SUFU: variants seen among roughly 807,000 people sequenced by gnomAD.
SUFU encodes SUFU negative regulator of hedgehog signaling.
A neutral mutation model predicts 58.9 loss-of-function variants in SUFU; 7 were observed. That is an observed-to-expected ratio of 0.12 (90% CI 0.07 to 0.22). SUFU has a LOEUF of 0.22. SUFU is among the 10% of genes least tolerant of loss of function. SUFU has a pLI of 1.00. For missense variants in SUFU, 451 were observed against 641.3 expected (o/e 0.70, Z 3.20); for synonymous variants, 232 against 254.8 (o/e 0.91, Z 0.85).
At chr10:102,603,246 C>T (rs146230908) in intron 8 of SUFU, among the ~76,000 whole-genome samples, 265 of 152,298 alleles carry the variant, frequency 1.7e-3, no homozygotes, top group Middle Eastern at 3.4e-3. Flanking sequence ...ACTGCAGCCT[C>T]GAGCTCCTGG....
intron 8 of SUFU, among the ~76,000 whole-genome samples, chr10:102,603,631 A>C (rs529024695): frequency 3.3e-5 from 5 of 151,930 alleles, no homozygotes; most frequent in Admixed American, 3.3e-4. Flanking sequence ...CCTTTAAAAA[A>C]TTTTTTTTGC....
rs372805517 is a variant in SUFU at position 102,540,480 on chromosome 10, G to A, written c.318-9490G>A. ...AGCCTGGCCAACATGGTGAAACCCC[G>A]TCTCTACCAAAAATACAAAAATTAG... On this transcript the variant is annotated intron_variant, in intron 2 of 11. Coordinates refer to ENST00000369902, the MANE Select transcript of SUFU (RefSeq NM_016169.4). 3.3e-3 allele frequency among the ~76,000 whole-genome samples: 494 copies of A among 151,564 alleles called. 3 individuals carry two copies. The highest frequency in any genetic ancestry group is 0.011 in the African/African-American group (466 of 41,284).
intron 7 of SUFU, among the ~76,000 whole-genome samples, 180 bp from the exon 8 acceptor site, chr10:102,599,253 G>T (rs970417298): frequency 6.6e-6 from 1 of 152,176 alleles, no homozygotes; most frequent in Non-Finnish European, 1.5e-5. Flanking sequence ...TCTTAAGAGC[G>T]CGGTTGTCCC....
chr10:102,592,777 G>T, intron 4 of SUFU, 53 bp downstream of exon 4: 2 of 1,606,688 alleles, frequency 1.2e-6, no homozygotes. Flanking sequence ...AGGGTCCTGG[G>T]AGGACAAGGA....
At chr10:102,584,752 A>G (rs1164814571) in intron 3 of SUFU, among the ~76,000 whole-genome samples, 2 of 152,148 alleles carry the variant, frequency 1.3e-5, no homozygotes, top group Admixed American at 1.3e-4. Flanking sequence ...AAAAAAAGGC[A>G]AGTCAATTTT....
intron 8 of SUFU, among the ~76,000 whole-genome samples, chr10:102,607,421 T>C (rs1306676841): frequency 6.6e-6 from 1 of 152,056 alleles, no homozygotes; most frequent in African/African-American, 2.4e-5. Context: ...CCAAGGAAAA[T>C]AGAAAATTAT....
At chr10:102,519,419 C>T (rs2062519791) in intron 2 of SUFU, among the ~76,000 whole-genome samples, 1 of 150,850 alleles carries the variant, frequency 6.6e-6, no homozygotes, top group Non-Finnish European at 1.5e-5. Flanking sequence ...CTCAGCTCTT[C>T]AGGAGGCTGA....
intron 2 of SUFU, among the ~76,000 whole-genome samples, chr10:102,532,800 T>G (rs2062691178): frequency 1.3e-5 from 2 of 152,186 alleles, no homozygotes; most frequent in African/African-American, 4.8e-5. Flanking sequence ...GTATAGGACC[T>G]GTTTCACGGT....
rs184819773 is a variant in SUFU, at chr10:102,632,123, C to T, written c.*1968C>T. On this transcript the variant is annotated 3_prime_UTR_variant, in exon 12 of 12. Transcript: ENST00000369902. The stretch of plus-strand genomic sequence containing the variant: ...TGCCTGAGGGCTCCCTGCTGCAGTT[C>T]GCCGTACTTCCATCTGCTGGGTGCC... 9.0e-5 allele frequency: 21 copies of T among 233,414 alleles called. No individual in the cohort carries two copies. Among genetic ancestry groups the T allele is most frequent in the Admixed American group, 7.3e-4 (13 of 17,798 alleles). The allele number at this position is 233,414 out of a possible 1,614,324, so 14.5% of individuals were successfully genotyped here.
chr10:102,529,495 C>T (rs1245746427), intron 2 of SUFU, among the ~76,000 whole-genome samples: 1 of 152,160 alleles, frequency 6.6e-6, no homozygotes, highest in Non-Finnish European at 1.5e-5. Flanking sequence ...AAGTTGCAGC[C>T]AGGCTCAGTG....
chr10:102,621,154 A>G (rs1391722139), intron 10 of SUFU, among the ~76,000 whole-genome samples: 1 of 152,162 alleles, frequency 6.6e-6, no homozygotes, highest in Non-Finnish European at 1.5e-5. Context: ...TGTGTAGAAG[A>G]TGACTTGGGA....
intron 3 of SUFU, chr10:102,573,079 G>A (rs2135807896): frequency 2.5e-6 from 2 of 786,454 alleles, no homozygotes; most frequent in Non-Finnish European, 4.6e-6. Context: ...GCAGTGTCTT[G>A]GGCCGCTGGA....
At chr10:102,608,354 CTAAAAAA>C in intron 8 of SUFU, among the ~76,000 whole-genome samples, 1 of 152,138 alleles carries the variant, frequency 6.6e-6, no homozygotes, top group East Asian at 1.9e-4. Flanking sequence ...TGACTAAACA[CTAAAAAA>C]GAAAAAAGAA....
chr10:102,589,837 C>T (rs751281314), intron 3 of SUFU, among the ~76,000 whole-genome samples: 4 of 152,216 alleles, frequency 2.6e-5, no homozygotes, highest in East Asian at 1.9e-4. Flanking sequence ...GCACCTCTGT[C>T]GTGTTCCTGA....
At chr10:102,597,010 T>G in intron 6 of SUFU, 130 bp from the exon 7 acceptor site, 2 of 1,099,936 alleles carry the variant, frequency 1.8e-6, no homozygotes, top group Admixed American at 3.6e-5. Context: ...GATCCTGCTC[T>G]CCAGCATTTG....
chr10:102,593,035 G>C (rs2063420388), intron 4 of SUFU, among the ~76,000 whole-genome samples: 1 of 152,200 alleles, frequency 6.6e-6, no homozygotes, highest in Admixed American at 6.5e-5. Flanking sequence ...CCAGCGGGAA[G>C]CCAGCTCTGG....
intron 10 of SUFU, among the ~76,000 whole-genome samples, chr10:102,624,438 C>T (rs1039866785): frequency 2.0e-5 from 3 of 150,734 alleles, no homozygotes; most frequent in Non-Finnish European, 4.4e-5. Context: ...AATTAGGTGC[C>T]TGGAGCTATG....
rs973772393 is a variant in SUFU, at chr10:102,619,226, G to T, written c.1296+1798G>T. The T allele has an allele frequency of 1.3e-6, 2 of 1,539,016 alleles. No homozygotes were observed. The highest frequency in any genetic ancestry group is 1.4e-5 in the African/African-American group (1 of 73,508). ...CCCCTCAGTCCCCTGAATGCCCTTC[G>T]GACCCAACCCCAATTCCCCAAGCCC... On this transcript the variant is annotated intron_variant, in intron 10 of 11. Coordinates refer to ENST00000369902, the MANE Select transcript of SUFU (RefSeq NM_016169.4). The surrounding 1 kb of genome is among the most constrained non-coding windows in gnomAD (Gnocchi z 4.2).
intron 8 of SUFU, among the ~76,000 whole-genome samples, chr10:102,611,695 C>T (rs927553164): frequency 6.6e-6 from 1 of 152,246 alleles, no homozygotes; most frequent in Non-Finnish European, 1.5e-5. Context: ...ACATCCCAGG[C>T]ACTATTGGCC....
Sources: gnomAD v4.1 joint callset for allele counts (sites outside exome capture counted in the v4.1 genomes callset) on GRCh38, gnomAD v4.1.1 for gene constraint, Gnocchi (gnomAD v3.1) non-coding constraint, MANE v1.5 for transcripts, NCBI Gene and HGNC (gene_info 2026-07-23, HGNC 2026-07-21) for gene names.